DOCK5: variants seen among roughly 807,000 people sequenced by gnomAD.
DOCK5 encodes the protein dedicator of cytokinesis 5.
A neutral mutation model predicts 251.8 loss-of-function variants in DOCK5; 142 were observed. That is an observed-to-expected ratio of 0.56 (90% confidence interval 0.49 to 0.65). DOCK5 has a LOEUF of 0.65. Among genes scored for constraint, DOCK5 ranks in the 30% least tolerant of loss-of-function variants. DOCK5 has a pLI of 0.00. For synonymous variants in DOCK5, 842 were observed against 835.5 expected (o/e 1.01, Z -0.13); for missense variants, 2,111 against 2,312.3 (o/e 0.91, Z 1.79).
chr8:25,193,781 A>G (rs1337410136), intron 1 of DOCK5, among the ~76,000 whole-genome samples: 2 of 152,056 alleles, frequency 1.3e-5, no homozygotes, highest in East Asian at 3.9e-4. Context: ...AGGCAGAAAA[A>G]TAAGAGAAAT....
At chr8:25,410,320 T>C (rs1801599700) in intron 51 of DOCK5, 118 bp downstream of exon 51, 1 of 794,066 alleles carries the variant, frequency 1.3e-6, no homozygotes, top group Admixed American at 2.4e-5. Context: ...CTGCAGTCGA[T>C]TCTTGGCTCA....
At chr8:25,340,449 T>C (rs1363593810) in intron 22 of DOCK5, among the ~76,000 whole-genome samples, 2 of 152,258 alleles carry the variant, frequency 1.3e-5, no homozygotes. Context: ...TTGGGACTTT[T>C]GTGTGTCTTG....
At chr8:25,312,315 A>G (rs981562426) in intron 13 of DOCK5, among the ~76,000 whole-genome samples, 2 of 152,228 alleles carry the variant, frequency 1.3e-5, no homozygotes, top group Admixed American at 6.5e-5. Flanking sequence ...TTCTTTGATC[A>G]AGGTGACAGC....
intron 35 of DOCK5, among the ~76,000 whole-genome samples, chr8:25,372,988 A>T (rs919102736): frequency 6.8e-6 from 1 of 146,402 alleles, no homozygotes; most frequent in Admixed American, 7.0e-5. Flanking sequence ...GGTTACATGG[A>T]TAAGTTTTGG....
At chr8:25,384,808 C>T (rs1185432918) in intron 40 of DOCK5, among the ~76,000 whole-genome samples, 1 of 152,054 alleles carries the variant, frequency 6.6e-6, no homozygotes, top group African/African-American at 2.4e-5. Context: ...TGGCTCACAC[C>T]TGTAATCCCA....
In DOCK5 at chr8:25,350,572, C is replaced by G. The variant is rs541830159; in HGVS notation, c.2755-1159C>G. Among the ~76,000 whole-genome samples the G allele has an allele frequency of 2.3e-4, 35 of 152,294 alleles. 1 individual carries two copies. Among genetic ancestry groups the G allele is most frequent in the African/African-American group, 8.4e-4 (35 of 41,562 alleles). On this transcript the variant is annotated intron_variant, in intron 26 of 51. Coordinates refer to ENST00000276440, the MANE Select transcript of DOCK5 (RefSeq NM_024940.8). ...AAATCCTTGTATTAGTCTGCTCAGTCAGTCTTCTATAACAAAATACCACAG... is the reference window on the plus strand; with the variant it reads ...AAATCCTTGTATTAGTCTGCTCAGTGAGTCTTCTATAACAAAATACCACAG...
intron 16 of DOCK5, among the ~76,000 whole-genome samples, chr8:25,321,757 G>A (rs1348783950): frequency 1.3e-5 from 2 of 152,112 alleles, no homozygotes; most frequent in Non-Finnish European, 2.9e-5. Flanking sequence ...AGACTGGTAT[G>A]GGTTTATGGC....
At chr8:25,187,206 A>C (rs1308908897) in intron 1 of DOCK5, among the ~76,000 whole-genome samples, 1 of 149,176 alleles carries the variant, frequency 6.7e-6, no homozygotes, top group Non-Finnish European at 1.5e-5. Flanking sequence ...ATCTCAAAAA[A>C]AAAACTATAT....
rs1434205492 is a variant in DOCK5 at position 25,310,538 on chromosome 8, C to G, written c.1318+6C>G. 6.2e-7 allele frequency: 1 copy of G among 1,606,224 alleles called. No homozygotes were observed. Among genetic ancestry groups the G allele is most frequent in the Non-Finnish European group, 8.5e-7 (1 of 1,176,352 alleles). ...TCCTGAAATCATACTGCCAGGTAAG[C>G]ACTTTGCATGGCTCACCTGTTTGCT... On this transcript the variant is annotated splice_donor_region_variant and intron_variant, in intron 13 of 51. Transcript: ENST00000276440.
chr8:25,269,616 G>T (rs1370661817), intron 3 of DOCK5, among the ~76,000 whole-genome samples: 1 of 152,092 alleles, frequency 6.6e-6, no homozygotes, highest in Non-Finnish European at 1.5e-5. Context: ...ACTACTAATC[G>T]TCAGGCTAAA....
intron 1 of DOCK5, among the ~76,000 whole-genome samples, chr8:25,213,672 A>C (rs1326258327): frequency 2.6e-5 from 4 of 152,214 alleles, no homozygotes; most frequent in African/African-American, 4.8e-5. Context: ...TCACCCCCCA[A>C]AGAAAAGCAG....
intron 40 of DOCK5, among the ~76,000 whole-genome samples, chr8:25,385,462 T>C (rs975456691): frequency 6.6e-6 from 1 of 151,716 alleles, no homozygotes; most frequent in Non-Finnish European, 1.5e-5. Context: ...GAAGTGAGAG[T>C]TGTCAAGAAT....
At chr8:25,392,268 C>T (rs1288180221) in intron 43 of DOCK5, among the ~76,000 whole-genome samples, 3 of 149,536 alleles carry the variant, frequency 2.0e-5, no homozygotes, top group East Asian at 2.0e-4. Flanking sequence ...CGCACCACTG[C>T]ACTCCAGCAT....
rs769595396 is a variant in DOCK5 at position 25,317,078 on chromosome 8, A to G, written c.1390A>G (p.Lys464Glu). The change falls in exon 14 of 52, where the codon AAG becomes GAG. Residue 464 changes from lysine (K) to glutamate (E), a missense_variant. Around this residue, in one of 3 missense-constraint regions of DOCK5, gnomAD observed 1,717 missense variants for 1,892.4 expected, o/e 0.91. Transcript: ENST00000276440. Reference sequence around the variant, plus strand: ...TGACAAAGGGAAGAAGAAGACGCCAAAGAATGTGGAGGTGACGATGTCTGT... The same window carrying G: ...TGACAAAGGGAAGAAGAAGACGCCAGAGAATGTGGAGGTGACGATGTCTGT... The part of the protein sequence containing the change: ...EFDKGKKKTP[K>E]NVEVTMSVHD... 1.2e-6 allele frequency: 2 copies of G among 1,613,996 alleles called. No homozygotes were observed. Among genetic ancestry groups the G allele is most frequent in the South Asian group, 1.1e-5 (1 of 91,074 alleles).
chr8:25,367,003 G>C (rs901303423), intron 31 of DOCK5, 33 bp downstream of exon 31: 1 of 1,558,318 alleles, frequency 6.4e-7, no homozygotes, highest in African/African-American at 1.4e-5. Flanking sequence ...GATCGGGAAG[G>C]GGCTTCTTCC....
chr8:25,364,885 G>A, intron 30 of DOCK5, 181 bp downstream of exon 30: 2 of 477,560 alleles, frequency 4.2e-6, no homozygotes, highest in Non-Finnish European at 3.7e-6. Context: ...ACAAAATAGG[G>A]GTGGTTTCTT....
Position 25,210,008 on chromosome 8 carries a change from TTA to T in DOCK5, c.43+25082_43+25083del, listed in dbSNP as rs375221561. Among the ~76,000 whole-genome samples the T allele has an allele frequency of 1.4e-3, 38 of 27,212 alleles. 16 individuals carry two copies. The highest frequency in any genetic ancestry group is 0.04 in the Middle Eastern group (2 of 50). 17.9% of individuals were successfully genotyped at this position (27,212 alleles called of 152,430 possible). ...GGCACATGCCACCATCCCCGGCTAATTATATATATATATATATATATATATAA... is the reference window on the plus strand; with the variant it reads ...GGCACATGCCACCATCCCCGGCTAATTATATATATATATATATATATATAA... On this transcript the variant is annotated intron_variant, in intron 1 of 51. Coordinates refer to ENST00000276440, the MANE Select transcript of DOCK5 (RefSeq NM_024940.8).
chr8:25,397,427 G>A (rs1801365221), intron 45 of DOCK5, among the ~76,000 whole-genome samples: 1 of 152,174 alleles, frequency 6.6e-6, no homozygotes, highest in Non-Finnish European at 1.5e-5. Context: ...TCTATGCTCT[G>A]TGGCTGCCAC....
chr8:25,330,127 G>A (rs1297026976), intron 18 of DOCK5, among the ~76,000 whole-genome samples: 1 of 152,200 alleles, frequency 6.6e-6, no homozygotes, highest in Non-Finnish European at 1.5e-5. Flanking sequence ...TATGAGTCAA[G>A]TGATGGAATG....
Sources: allele counts gnomAD v4.1 joint callset (sites outside exome capture counted in the v4.1 genomes callset), GRCh38; gene constraint gnomAD v4.1.1; regional missense constraint gnomAD v4.1.1; transcripts MANE v1.5; gene names NCBI Gene and HGNC (gene_info 2026-07-23, HGNC 2026-07-21).